The following NEGR1 variants were observed in gnomAD, a reference collection of about 807,000 sequenced individuals.
The protein encoded by NEGR1 is neuronal growth regulator 1.
A neutral mutation model predicts 40.9 loss-of-function variants in NEGR1; 10 were observed. That is an observed-to-expected ratio of 0.24 (90% CI 0.15 to 0.42). NEGR1 has a LOEUF of 0.42. Among genes scored for constraint, NEGR1 ranks in the 10% least tolerant of loss-of-function variants. NEGR1 has a pLI of 1.00. For missense variants in NEGR1, 352 were observed against 438.9 expected (o/e 0.80, Z 1.77); for synonymous variants, 185 against 166.8 (o/e 1.11, Z -0.84).
intron 1 of NEGR1, among the ~76,000 whole-genome samples, chr1:72,120,501 TTTTTTTTTCTTTC>T (rs752314771): frequency 2.1e-5 from 3 of 141,086 alleles, no homozygotes; most frequent in Non-Finnish European, 4.9e-5. Context: ...TTAACACTTC[TTTTTTTTTCTTTC>T]TTTTTTTTAT....
intron 1 of NEGR1, among the ~76,000 whole-genome samples, chr1:72,067,018 T>C (rs972100570): frequency 2.6e-5 from 4 of 152,118 alleles, no homozygotes; most frequent in African/African-American, 7.2e-5. Flanking sequence ...CCTAGTATGA[T>C]CCATCTGCAT....
chr1:71,974,228 T>G, intron 1 of NEGR1, among the ~76,000 whole-genome samples: 1 of 152,198 alleles, frequency 6.6e-6, no homozygotes, highest in East Asian at 1.9e-4. Flanking sequence ...CATATTACAT[T>G]ACTCACTATC....
intron 2 of NEGR1, among the ~76,000 whole-genome samples, chr1:71,905,040 G>T (rs1393898667): frequency 6.6e-6 from 1 of 152,042 alleles, no homozygotes. Flanking sequence ...CAAAAAATGT[G>T]AAAGATTTTT....
chr1:72,009,314 C>T (rs1453005518), intron 1 of NEGR1, among the ~76,000 whole-genome samples: 1 of 152,018 alleles, frequency 6.6e-6, no homozygotes, highest in Non-Finnish European at 1.5e-5. Context: ...TCCCTTTTCC[C>T]TCCACGCTTC....
intron 1 of NEGR1, among the ~76,000 whole-genome samples, chr1:71,974,654 AAC>A (rs1283748457): frequency 6.6e-6 from 1 of 152,176 alleles, no homozygotes; most frequent in East Asian, 1.9e-4. Context: ...CTATACAAAT[AAC>A]AGTTCTTTTC....
chr1:71,989,092 C>T (rs1194265468), intron 1 of NEGR1, among the ~76,000 whole-genome samples: 1 of 151,774 alleles, frequency 6.6e-6, no homozygotes, highest in East Asian at 1.9e-4. Context: ...AAAGCAAGAG[C>T]AAAAACTAAA....
chr1:72,045,050 T>G (rs1023617329), intron 1 of NEGR1, among the ~76,000 whole-genome samples: 3 of 151,770 alleles, frequency 2.0e-5, no homozygotes, highest in African/African-American at 7.3e-5. Context: ...CCATAATCCT[T>G]CATACTCACA....
At chr1:71,618,803 T>C (rs1263764127) in intron 4 of NEGR1, among the ~76,000 whole-genome samples, 2 of 152,152 alleles carry the variant, frequency 1.3e-5, no homozygotes, top group Non-Finnish European at 2.9e-5. Flanking sequence ...GACTGCTGTC[T>C]TTTTGGACAG....
At chr1:72,182,494 A>G (rs1652416879) in intron 1 of NEGR1, among the ~76,000 whole-genome samples, 1 of 151,926 alleles carries the variant, frequency 6.6e-6, no homozygotes, top group African/African-American at 2.4e-5. Flanking sequence ...CTCTGTCTCA[A>G]AATAAAATAA....
At chr1:71,466,700 T>A (rs1216055146) in intron 6 of NEGR1, among the ~76,000 whole-genome samples, 1 of 152,072 alleles carries the variant, frequency 6.6e-6, no homozygotes, top group African/African-American at 2.4e-5. Context: ...CATGTTTGGC[T>A]TATAACCAAG....
intron 4 of NEGR1, among the ~76,000 whole-genome samples, chr1:71,614,240 C>A (rs537753094): frequency 6.6e-6 from 1 of 151,868 alleles, no homozygotes; most frequent in South Asian, 2.1e-4. Flanking sequence ...CACATATACA[C>A]AAACACACAC....
intron 3 of NEGR1, among the ~76,000 whole-genome samples, chr1:71,719,834 T>C (rs1654441756): frequency 6.6e-6 from 1 of 152,120 alleles, no homozygotes; most frequent in Non-Finnish European, 1.5e-5. Context: ...TGTCCATGTG[T>C]TCTTTTTAGG....
intron 1 of NEGR1, among the ~76,000 whole-genome samples, chr1:72,202,439 A>T (rs975417540): frequency 1.7e-4 from 26 of 152,024 alleles, no homozygotes; most frequent in African/African-American, 6.0e-4. Flanking sequence ...TCCAAAACTG[A>T]GACTCTAAAG....
intron 4 of NEGR1, among the ~76,000 whole-genome samples, chr1:71,621,634 G>T (rs114677177): frequency 1.3e-5 from 2 of 151,598 alleles, no homozygotes; most frequent in Non-Finnish European, 3.0e-5. Flanking sequence ...TTTTCGGAGC[G>T]CAGAGATATA....
At chr1:72,219,306 G>T (rs1653933253) in intron 1 of NEGR1, among the ~76,000 whole-genome samples, 1 of 151,932 alleles carries the variant, frequency 6.6e-6, no homozygotes, top group South Asian at 2.1e-4. Context: ...TAAAGGGCTT[G>T]CCATTTTTGT....
Position 71,946,302 on chromosome 1 carries a change from G to T in NEGR1, c.177-10991C>A, listed in dbSNP as rs528044463. Among the ~76,000 whole-genome samples the T allele has an allele frequency of 6.6e-5, 10 of 151,748 alleles. No homozygotes were observed. The South Asian group carries it at 1.9e-3, about 29-fold the overall frequency. On this transcript the variant is annotated intron_variant, in intron 1 of 6. Transcript: ENST00000357731. The stretch of plus-strand genomic sequence containing the variant: ...GTTGCCCAGGGTGGTCTCAACCTCA[G>T]TTTTTTTTCTTCTTGCTTGTATGGT...
At chr1:72,105,086 G>A (rs934553522) in intron 1 of NEGR1, among the ~76,000 whole-genome samples, 3 of 152,048 alleles carry the variant, frequency 2.0e-5, no homozygotes, top group African/African-American at 7.2e-5. Flanking sequence ...ATCTCTATCT[G>A]TCTGATCTGT....
chr1:71,495,842 C>T (rs1646959468), intron 6 of NEGR1, among the ~76,000 whole-genome samples: 1 of 152,138 alleles, frequency 6.6e-6, no homozygotes, highest in South Asian at 2.1e-4. Flanking sequence ...ACTGTATTAA[C>T]AAAATAGTTC....
intron 1 of NEGR1, among the ~76,000 whole-genome samples, chr1:72,049,932 A>G (rs1006857214): frequency 1.3e-5 from 2 of 151,562 alleles, no homozygotes; most frequent in Admixed American, 6.6e-5. Context: ...AAGTACCTGT[A>G]TTTTTGTGCT....
Sources: gnomAD v4.1 joint callset for allele counts (sites outside exome capture counted in the v4.1 genomes callset) on GRCh38, gnomAD v4.1.1 for gene constraint, MANE v1.5 for transcripts, NCBI Gene and HGNC (gene_info 2026-07-23, HGNC 2026-07-21) for gene names.